PCDHGB3: variants seen among roughly 807,000 people sequenced by gnomAD.
The protein encoded by PCDHGB3 is protocadherin gamma subfamily B, 3, also known as protocadherin gamma-B3.
A neutral mutation model predicts 59.2 loss-of-function variants in PCDHGB3; 40 were observed. That is an observed-to-expected ratio of 0.68 (90% CI 0.52 to 0.88). PCDHGB3 has a LOEUF of 0.88. Ranked by LOEUF, PCDHGB3 falls within the 40% of genes least tolerant of loss-of-function variation. The pLI is 0.00. For synonymous variants in PCDHGB3, 581 were observed against 503.6 expected, an observed-to-expected ratio of 1.15 and a Z score of -2.06; for missense variants, 1,309 against 1,187.9, an observed-to-expected ratio of 1.10 and a Z score of -1.50.
chr5:141,421,964 C>T (rs772274014), intron 1 of PCDHGB3: 3 of 1,611,472 alleles, frequency 1.9e-6, no homozygotes, highest in Non-Finnish European at 1.7e-6. Flanking sequence ...TTTACACAGT[C>T]CGTATATCGC....
Position 141,422,179 on chromosome 5 carries a change from A to G in PCDHGB3, c.2415+49370A>G, listed in dbSNP as rs757086661. The G allele has an allele frequency of 2.0e-5, 32 of 1,562,402 alleles. No homozygotes were observed. Among genetic ancestry groups the G allele is most frequent in the Non-Finnish European group, 2.6e-5 (30 of 1,159,048 alleles). ...TTTTGAAAAATATAGATTCTATGAG[A>G]TGGAAATTCAAGGCCAAGATGGTGG... is the stretch of plus-strand genomic sequence containing the variant. On this transcript the variant is annotated intron_variant, in intron 1 of 3. Coordinates refer to ENST00000576222, the MANE Select transcript of PCDHGB3 (RefSeq NM_018924.5).
Position 141,405,419 on chromosome 5 carries a change from TTTG to T in PCDHGB3, c.2415+32613_2415+32615del, listed in dbSNP as rs372094745. On this transcript the variant is annotated intron_variant, in intron 1 of 3. Transcript: ENST00000576222. ...CTTTCTTTCTTTTCTTTTTTTGTTT[TTTG>T]TTTTGTTTTGTTTTTGAGACAGAGT... The T allele has an allele frequency of 6.8e-4, 1,019 of 1,509,010 alleles. 10 individuals are homozygous for T. In the African/African-American group the frequency reaches 0.012, roughly 18 times the overall value. The allele number at this position is 1,509,010 out of a possible 1,614,324, so 93.5% of individuals were successfully genotyped here.
intron 1 of PCDHGB3, among the ~76,000 whole-genome samples, chr5:141,473,873 C>CA (rs1471085914): frequency 2.6e-5 from 4 of 152,130 alleles, no homozygotes; most frequent in African/African-American, 7.2e-5. Flanking sequence ...GTGGAGAATG[C>CA]ATACACAAGG....
chr5:141,385,707 A>C (rs1397936755), intron 1 of PCDHGB3: 1 of 259,744 alleles, frequency 3.8e-6, no homozygotes, highest in Non-Finnish European at 6.2e-6. Flanking sequence ...TTTAGCATTC[A>C]AATATGTAAA....
chr5:141,469,296 A>T (rs2099196287), intron 1 of PCDHGB3, among the ~76,000 whole-genome samples: 1 of 149,742 alleles, frequency 6.7e-6, no homozygotes, highest in Non-Finnish European at 1.5e-5. Context: ...AACAAAATAG[A>T]CTGGGCACGA....
In PCDHGB3 at chr5:141,476,850, A is replaced by G. The variant is rs747333239; in HGVS notation, c.2416-17957A>G. The G allele has an allele frequency of 1.2e-6, 2 of 1,613,836 alleles. No individual in the cohort carries two copies. Among genetic ancestry groups the G allele is most frequent in the Admixed American group, 3.3e-5 (2 of 60,030 alleles). ...GCGAATGACAATGCGCCTGTCTTCA[A>G]CCAGTCCTTGTACCGGGCGCGCGTC... is the stretch of plus-strand genomic sequence containing the variant. On this transcript the variant is annotated intron_variant, in intron 1 of 3. Transcript: ENST00000576222. The surrounding 1 kb of genome is among the most constrained non-coding windows in gnomAD (Gnocchi z 7.6).
chr5:141,415,095 C>G, intron 1 of PCDHGB3: 2 of 1,613,584 alleles, frequency 1.2e-6, no homozygotes, highest in Non-Finnish European at 1.7e-6. Context: ...TGGACAGAGA[C>G]GCGCTCAAGC....
intron 1 of PCDHGB3, among the ~76,000 whole-genome samples, chr5:141,451,908 G>A (rs899191624): frequency 3.9e-5 from 6 of 152,046 alleles, no homozygotes; most frequent in African/African-American, 7.2e-5. Context: ...AAGGGAGGGA[G>A]GGAGGAAGGA....
intron 1 of PCDHGB3, chr5:141,404,106 C>G: frequency 1.2e-6 from 2 of 1,613,428 alleles, no homozygotes; most frequent in Non-Finnish European, 1.7e-6. Flanking sequence ...GTTGTCTGTT[C>G]TATCCAGGAG....
chr5:141,481,053 A>T (rs2099530801), intron 1 of PCDHGB3, among the ~76,000 whole-genome samples: 1 of 152,104 alleles, frequency 6.6e-6, no homozygotes, highest in Non-Finnish European at 1.5e-5. Flanking sequence ...GCGAGACTCC[A>T]CCTCAAAAAC....
chr5:141,457,264 C>T (rs2098915249), intron 1 of PCDHGB3, among the ~76,000 whole-genome samples: 1 of 152,142 alleles, frequency 6.6e-6, no homozygotes, highest in South Asian at 2.1e-4. Flanking sequence ...ATAGAATTCC[C>T]CTCTGTGGGC....
intron 1 of PCDHGB3, chr5:141,373,923 A>ACGGGAAAG: frequency 1.5e-6 from 1 of 658,156 alleles, no homozygotes; most frequent in African/African-American, 1.9e-5. Flanking sequence ...AGCAAATTAG[A>ACGGGAAAG]CGGGAAAGCA....
intron 1 of PCDHGB3, chr5:141,375,806 G>T (rs1223554303): frequency 6.8e-6 from 11 of 1,614,088 alleles, no homozygotes; most frequent in African/African-American, 1.3e-5. Context: ...TTCCACTGGC[G>T]TGGAGCTGGC....
intron 1 of PCDHGB3, among the ~76,000 whole-genome samples, chr5:141,387,209 T>C (rs911946032): frequency 1.3e-5 from 2 of 152,170 alleles, no homozygotes; most frequent in African/African-American, 4.8e-5. Flanking sequence ...ACTGATACTC[T>C]CCGGAAAAAG....
At chr5:141,418,693 T>C (rs989725231) in intron 1 of PCDHGB3, 1 of 1,613,922 alleles carries the variant, frequency 6.2e-7, no homozygotes, top group South Asian at 1.1e-5. Context: ...CAGAGATCAC[T>C]TATTCCTTCT....
At position 141,476,387 on chromosome 5, in the gene PCDHGB3, C is replaced by A. The variant is rs147660262; in HGVS notation, c.2416-18420C>A. ...GACCGGAGAGATGTTTGTGAACGAC[C>A]GTCTGGATCGAGAGGAGCTGTGTGG... is the stretch of plus-strand genomic sequence containing the variant. On this transcript the variant is annotated intron_variant, in intron 1 of 3. Transcript: ENST00000576222. The surrounding 1 kb of genome is among the most constrained non-coding windows in gnomAD (Gnocchi z 7.6). 1.2e-6 allele frequency: 2 copies of A among 1,614,076 alleles called. No individual in the cohort carries two copies. Among genetic ancestry groups the A allele is most frequent in the Non-Finnish European group, 8.5e-7 (1 of 1,180,024 alleles).
chr5:141,511,358 G>T lies in PCDHGB3; in HGVS notation c.*185G>T, dbSNP rs905197337. 1.5e-6 allele frequency: 2 copies of T among 1,355,398 alleles called. No homozygotes were observed. Among genetic ancestry groups the T allele is most frequent in the East Asian group, 2.5e-5 (1 of 39,588 alleles). The allele number at this position is 1,355,398 out of a possible 1,614,324, so 84.0% of individuals were successfully genotyped here. ...GCACCTACCCCTTCCCCCCCAGGGGGTTGAATATGCAAAAGCAGTTCCGCT... is the reference window on the plus strand; with the variant it reads ...GCACCTACCCCTTCCCCCCCAGGGGTTTGAATATGCAAAAGCAGTTCCGCT... On this transcript the variant is annotated 3_prime_UTR_variant, in exon 4 of 4. Coordinates refer to ENST00000576222, the MANE Select transcript of PCDHGB3 (RefSeq NM_018924.5).
chr5:141,500,403 G>GT (rs2099800018), intron 2 of PCDHGB3, among the ~76,000 whole-genome samples: 1 of 151,706 alleles, frequency 6.6e-6, no homozygotes, highest in Non-Finnish European at 1.5e-5. Context: ...TAGAGACGGG[G>GT]TTTCACCGTG....
rs1257933448 is a variant in PCDHGB3, at chr5:141,490,285, G to C, written c.2416-4522G>C. 3 of 1,614,106 alleles carry C rather than the reference G, an allele frequency of 1.9e-6. No homozygotes were observed. In the African/African-American group the frequency reaches 4.0e-5, roughly 22 times the overall value. On this transcript the variant is annotated intron_variant, in intron 1 of 3. Coordinates refer to ENST00000576222, the MANE Select transcript of PCDHGB3 (RefSeq NM_018924.5). This position sits in a 1 kb window ranked among gnomAD's most constrained non-coding sequence, Gnocchi z 5.4. ...GGGGGATGTCAATGACAATGCCCCAGAGGTGCTATTGGCCTCTTTGGCCAA... is the reference window on the plus strand; with the variant it reads ...GGGGGATGTCAATGACAATGCCCCACAGGTGCTATTGGCCTCTTTGGCCAA...
Sources: gnomAD v4.1 joint callset for allele counts (sites outside exome capture counted in the v4.1 genomes callset) on GRCh38, gnomAD v4.1.1 for gene constraint, Gnocchi (gnomAD v3.1) non-coding constraint, MANE v1.5 for transcripts, NCBI Gene and HGNC (gene_info 2026-07-23, HGNC 2026-07-21) for gene names.